The following ZNF569 variants were observed in gnomAD, a reference collection of about 807,000 sequenced individuals.
ZNF569 encodes the protein DNA-binding protein.
Under a neutral mutation model 56.3 loss-of-function variants are expected in ZNF569, and 38 were observed. That is an observed-to-expected ratio of 0.68 (90% CI 0.52 to 0.88). The LOEUF is 0.88. Ranked by LOEUF, ZNF569 falls within the 40% of genes least tolerant of loss-of-function variation. The pLI is 0.00. For synonymous variants in ZNF569, 241 were observed against 262.9 expected (o/e 0.92, Z 0.81); for missense variants, 666 against 809.2 (o/e 0.82, Z 2.15).
intron 2 of ZNF569, among the ~76,000 whole-genome samples, chr19:37,462,339 C>T (rs938330361): frequency 8.6e-5 from 13 of 151,636 alleles, no homozygotes; most frequent in African/African-American, 2.2e-4. Context: ...CTCTCTCTAC[C>T]GGATCATTTC....
intron 2 of ZNF569, among the ~76,000 whole-genome samples, chr19:37,449,975 G>A (rs8108739): frequency 0.03 from 4,610 of 152,062 alleles, 219 homozygotes; most frequent in African/African-American, 0.096. Context: ...CTTTGGTTTC[G>A]TTTAATTGCA....
chr19:37,430,283 G>A lies in ZNF569; in HGVS notation c.16-3905C>T, dbSNP rs563863825. ...GCATAATTTAAGTATAAGTTAGAGA[G>A]GAGAGAGAAAAGGACAGAAAAAATC... On this transcript the variant is annotated intron_variant, in intron 3 of 5. Transcript: ENST00000316950. Among the ~76,000 whole-genome samples the A allele has an allele frequency of 2.0e-5, 3 of 151,790 alleles. No homozygotes were observed. The South Asian group carries it at 6.2e-4, about 32-fold the overall frequency.
intron 2 of ZNF569, among the ~76,000 whole-genome samples, chr19:37,452,359 T>C (rs2041608598): frequency 1.3e-5 from 2 of 152,214 alleles, no homozygotes; most frequent in Admixed American, 1.3e-4. Flanking sequence ...TAATGCAGTA[T>C]TCTGTATTTA....
rs767013684 is a variant in ZNF569, at chr19:37,412,783, T to C, written c.1875A>G (p.Ile625Met). 6.2e-7 allele frequency: 1 copy of C among 1,613,924 alleles called. No homozygotes were observed. Among genetic ancestry groups the C allele is most frequent in the Non-Finnish European group, 8.5e-7 (1 of 1,179,906 alleles). ...AGGGTTTCTCACCTGTATGTCCTCG[T>C]ATATGTATAGTAAGGGATGAGCTTT... is the stretch of plus-strand genomic sequence containing the variant. ...FSQSSSLTIH[I>M]RGHTGEKPFD... is the part of the protein sequence containing the mutation. The change falls in exon 6 of 6, where the codon ATA becomes ATG. Residue 625 changes from isoleucine (I) to methionine (M), a missense_variant. Physicochemically the swap from Ile to Met is conservative, Grantham distance 10. Coordinates refer to ENST00000316950, the MANE Select transcript of ZNF569 (RefSeq NM_152484.3).
chr19:37,412,733 G>A lies in ZNF569; in HGVS notation c.1925C>T (p.Ala642Val). 6.2e-7 allele frequency: 1 copy of A among 1,614,082 alleles called. No homozygotes were observed. Among genetic ancestry groups the A allele is most frequent in the Non-Finnish European group, 8.5e-7 (1 of 1,179,966 alleles). ...GGTAAGAGATGAGATTTGAGAGAAGGCTTTTCCACATTTACTACAGTCGAA... is the reference window on the plus strand; with the variant it reads ...GGTAAGAGATGAGATTTGAGAGAAGACTTTTCCACATTTACTACAGTCGAA... ...KPFDCSKCGK[A>V]FSQISSLTLH... Residue 642 changes from alanine (A) to valine (V), a missense_variant, in exon 6 of 6, where the codon GCC (alanine) becomes GTC (valine). By Grantham distance (64) the Ala-to-Val change is moderately conservative. Transcript: ENST00000316950.
At chr19:37,425,828 C>T (rs770562218) in intron 5 of ZNF569, 40 bp downstream of exon 5, 30 of 1,473,068 alleles carry the variant, frequency 2.0e-5, no homozygotes, top group Non-Finnish European at 2.7e-5. Context: ...CATTAATAGG[C>T]CCTGACCTCT....
intron 2 of ZNF569, among the ~76,000 whole-genome samples, chr19:37,459,701 A>T (rs1490053944): frequency 6.6e-6 from 1 of 152,222 alleles, no homozygotes; most frequent in Non-Finnish European, 1.5e-5. Context: ...AATTGATCTA[A>T]AAGATAAATG....
In ZNF569 at chr19:37,453,151, C is replaced by A. The variant is rs111916617; in HGVS notation, c.-43-8187G>T. On this transcript the variant is annotated intron_variant, in intron 2 of 5. Transcript: ENST00000316950. ...TGGAGAGCCCACAAAGAAAAGATGG[C>A]GTACTGGTTGCACAAACCAACCCCT... 7.1e-3 allele frequency among the ~76,000 whole-genome samples: 1,079 copies of A among 152,208 alleles called. 14 individuals are homozygous for A. The highest frequency in any genetic ancestry group is 0.024 in the African/African-American group (1,005 of 41,512).
At chr19:37,461,313 CTTTT>C (rs200197328) in intron 2 of ZNF569, among the ~76,000 whole-genome samples, 7 of 136,978 alleles carry the variant, frequency 5.1e-5, no homozygotes, top group African/African-American at 8.1e-5. Flanking sequence ...AAAATATCCT[CTTTT>C]TTTTTTTTTT....
chr19:37,451,398 T>TG (rs1367392819), intron 2 of ZNF569, among the ~76,000 whole-genome samples: 2 of 97,344 alleles, frequency 2.1e-5, no homozygotes, highest in African/African-American at 8.9e-5. Flanking sequence ...AGACCCCATC[T>TG]GAAAAAAAAA....
In ZNF569 at chr19:37,422,773, C is replaced by T. The variant is rs114093375; in HGVS notation, c.238+3095G>A. ...CATTGAAATGAAGAATATTATGGTG[C>T]GGGGGGAATAGAACTTTCACCATTA... On this transcript the variant is annotated intron_variant, in intron 5 of 5. Transcript: ENST00000316950. Among the ~76,000 whole-genome samples, 1,065 of 152,108 alleles carry T rather than the reference C, an allele frequency of 7.0e-3. 14 individuals are homozygous for T. Among genetic ancestry groups the T allele is most frequent in the African/African-American group, 0.024 (993 of 41,502 alleles).
At chr19:37,452,489 T>C (rs1432274431) in intron 2 of ZNF569, among the ~76,000 whole-genome samples, 1 of 152,214 alleles carries the variant, frequency 6.6e-6, no homozygotes, top group African/African-American at 2.4e-5. Context: ...GCAGGTCTAG[T>C]GGTGATGCTT....
intron 2 of ZNF569, among the ~76,000 whole-genome samples, chr19:37,453,563 T>C (rs577696191): frequency 4.6e-5 from 7 of 152,346 alleles, no homozygotes; most frequent in African/African-American, 1.4e-4. Context: ...ATAATAGATC[T>C]GCTATATGTA....
In ZNF569 at chr19:37,413,545, T is replaced by C; in HGVS notation, c.1113A>G (p.Ile371Met). The C allele has an allele frequency of 6.2e-7, 1 of 1,613,044 alleles. No homozygotes were observed. The highest frequency in any genetic ancestry group is 8.5e-7 in the Non-Finnish European group (1 of 1,179,600). The change falls in exon 6 of 6, where the codon ATA (isoleucine) becomes ATG (methionine). Residue 371 changes from isoleucine to methionine, a missense_variant. Ile to Met is a conservative substitution (Grantham distance 10). Coordinates refer to ENST00000316950, the MANE Select transcript of ZNF569 (RefSeq NM_152484.3). Reference protein sequence around the residue: ...KAFSQFSMLIIHVRIHTGEKP... With the variant: ...KAFSQFSMLIMHVRIHTGEKP... ...TTTCACCTGTATGAATTCTAACATG[T>C]ATAATAAGCATGGAAAACTGAGAGA...
In ZNF569 at chr19:37,414,185, C is replaced by T; in HGVS notation, c.473G>A (p.Cys158Tyr). Residue 158 changes from cysteine to tyrosine, a missense_variant, in exon 6 of 6, where the codon TGC (cysteine) becomes TAC (tyrosine). Transcript: ENST00000316950. ...HNFDCHNNVK[C>Y]LMRKEHCEYN... The stretch of plus-strand genomic sequence containing the variant: ...TTCACAATGCTCCTTTCTCATAAGG[C>T]ATTTCACATTATTATGACAGTCAAA... 1 of 1,613,148 alleles carries T rather than the reference C, an allele frequency of 6.2e-7. No individual in the cohort carries two copies. The highest frequency in any genetic ancestry group is 8.5e-7 in the Non-Finnish European group (1 of 1,179,610).
At chr19:37,462,917 C>T (rs2041777576) in intron 2 of ZNF569, among the ~76,000 whole-genome samples, 1 of 152,106 alleles carries the variant, frequency 6.6e-6, no homozygotes, top group African/African-American at 2.4e-5. Context: ...GTATATCCAA[C>T]TGCCAACTTG....
At chr19:37,448,675 T>C (rs1374368658) in intron 2 of ZNF569, among the ~76,000 whole-genome samples, 5 of 149,886 alleles carry the variant, frequency 3.3e-5, no homozygotes, top group African/African-American at 7.4e-5. Flanking sequence ...GCCTTTCTCC[T>C]GCCTCAGCCT....
intron 3 of ZNF569, among the ~76,000 whole-genome samples, chr19:37,429,729 T>C (rs1420421329): frequency 6.6e-6 from 1 of 152,234 alleles, no homozygotes; most frequent in Non-Finnish European, 1.5e-5. Flanking sequence ...ACACTTGATA[T>C]GGTTTTCCTC....
Position 37,413,162 on chromosome 19 carries a change from C to G in ZNF569, c.1496G>C (p.Cys499Ser). ...SGEKPYECNE[C>S]GKAFSQKQNF... is the part of the protein sequence containing the mutation. ...TTGCTTTTGGCTGAAGGCTTTACCA[C>G]ATTCATTGCATTCATAGGGTTTCTC... Residue 499 changes from cysteine (C) to serine (S), a missense_variant, in exon 6 of 6, where the codon TGT (cysteine) becomes TCT (serine). By Grantham distance (112) the Cys-to-Ser change is moderately radical. Coordinates refer to ENST00000316950, the MANE Select transcript of ZNF569 (RefSeq NM_152484.3). The G allele has an allele frequency of 6.2e-7, 1 of 1,606,488 alleles. No individual in the cohort carries two copies. Among genetic ancestry groups the G allele is most frequent in the South Asian group, 1.1e-5 (1 of 89,638 alleles).
Sources: allele counts gnomAD v4.1 joint callset (sites outside exome capture counted in the v4.1 genomes callset), GRCh38; gene constraint gnomAD v4.1.1; transcripts MANE v1.5; gene names NCBI Gene and HGNC (gene_info 2026-07-23, HGNC 2026-07-21).